FBN1: variants seen among roughly 807,000 people sequenced by gnomAD.
FBN1 encodes fibrillin 1, also known as fibrillin-1.
FBN1 carries 29 observed loss-of-function variants against 365.1 expected under a neutral mutation model. That is an observed-to-expected ratio of 0.08 (90% CI 0.06 to 0.11). FBN1 has a LOEUF of 0.11. Among genes scored for constraint, FBN1 ranks in the 10% least tolerant of loss-of-function variants. FBN1 has a pLI of 1.00. For missense variants in FBN1, 2,476 were observed against 3,703.2 expected (o/e 0.67, Z 8.60); for synonymous variants, 1,210 against 1,270.5 (o/e 0.95, Z 1.01).
intron 4 of FBN1, among the ~76,000 whole-genome samples, chr15:48,604,261 A>G (rs985990222): frequency 6.6e-6 from 1 of 152,204 alleles, no homozygotes; most frequent in Non-Finnish European, 1.5e-5. Flanking sequence ...CACAACTGGC[A>G]GGAAGAACAC....
rs1436066063 is a variant in FBN1, at chr15:48,613,094, TA to T, written c.165-3del. Reference sequence around the variant, plus strand: ...TAACGTGATCCACAGACATTGGGTCTAAAACAAAAACAGAAGAATTCCATAC... The same window carrying T: ...TAACGTGATCCACAGACATTGGGTCTAAACAAAAACAGAAGAATTCCATAC... On this transcript the variant is annotated splice_polypyrimidine_tract_variant and splice_region_variant and intron_variant, in intron 2 of 65. Transcript: ENST00000316623. 6.8e-6 allele frequency: 11 copies of T among 1,609,754 alleles called. No individual in the cohort carries two copies. The highest frequency in any genetic ancestry group is 1.1e-5 in the South Asian group (1 of 91,004).
chr15:48,588,513 T>C (rs866123881), intron 6 of FBN1, among the ~76,000 whole-genome samples: 8 of 152,150 alleles, frequency 5.3e-5, no homozygotes, highest in Admixed American at 6.5e-5. Context: ...AAAATGAAGT[T>C]AAAAAAACTG....
intron 50 of FBN1, among the ~76,000 whole-genome samples, chr15:48,441,472 G>C (rs1006783478): frequency 6.6e-6 from 1 of 152,108 alleles, no homozygotes; most frequent in African/African-American, 2.4e-5. Context: ...ATCAGCATTT[G>C]TGTTCTTAGT....
intron 17 of FBN1, among the ~76,000 whole-genome samples, chr15:48,502,203 T>C (rs2043666249): frequency 6.6e-6 from 1 of 152,042 alleles, no homozygotes; most frequent in South Asian, 2.1e-4. Flanking sequence ...TTTTTGTTTG[T>C]TTGTTTGTTC....
At chr15:48,508,841 A>C (rs943474393) in intron 14 of FBN1, 137 bp from the exon 15 acceptor site, 4 of 1,033,392 alleles carry the variant, frequency 3.9e-6, no homozygotes, top group African/African-American at 1.6e-5. Flanking sequence ...TTTCATCCAA[A>C]TAAGATCATC....
intron 9 of FBN1, among the ~76,000 whole-genome samples, chr15:48,522,368 G>C (rs956261995): frequency 4.0e-5 from 6 of 151,806 alleles, no homozygotes; most frequent in Non-Finnish European, 7.4e-5. Context: ...ATAATAAAGT[G>C]CACAATAAAT....
At chr15:48,422,751 C>G (rs8028152) in intron 60 of FBN1, among the ~76,000 whole-genome samples, 136,458 of 152,230 alleles carry the variant, frequency 0.9, 61,264 homozygotes, top group African/African-American at 0.94. Context: ...TTTGAGCTCA[C>G]GAGTTTGAGA....
intron 65 of FBN1, among the ~76,000 whole-genome samples, chr15:48,411,884 C>T (rs1273941359): frequency 6.6e-6 from 1 of 152,248 alleles, no homozygotes; most frequent in Non-Finnish European, 1.5e-5. Flanking sequence ...AAGAACCAGA[C>T]TATTTCAATT....
intron 54 of FBN1, among the ~76,000 whole-genome samples, chr15:48,433,454 C>T (rs2043039329): frequency 6.6e-6 from 1 of 152,150 alleles, no homozygotes. Context: ...TCTCTTTCCC[C>T]CAAACAAAGA....
At position 48,526,143 on chromosome 15, in the gene FBN1, A is replaced by G. The variant is rs1259315716; in HGVS notation, c.975T>C (p.Gly325=). 2 of 1,614,176 alleles carry G rather than the reference A, an allele frequency of 1.2e-6. No homozygotes were observed. Among genetic ancestry groups the G allele is most frequent in the Non-Finnish European group, 8.5e-7 (1 of 1,179,994 alleles). ...CATTAAACCTACCTATGCATCTGGT[A>G]CCATCTGGAGAGGTGTAAAAACCAG... ...CPPGFYTSPD[G]TRCIDVRPGY... The change falls in exon 9 of 66, where the codon GGT becomes GGC. Residue 325 remains glycine, a synonymous_variant. Coordinates refer to ENST00000316623, the MANE Select transcript of FBN1 (RefSeq NM_000138.5).
At chr15:48,592,081 T>C (rs956173193) in intron 6 of FBN1, among the ~76,000 whole-genome samples, 9 of 152,210 alleles carry the variant, frequency 5.9e-5, no homozygotes, top group Non-Finnish European at 1.3e-4. Flanking sequence ...ACTCAGTACA[T>C]GTCAGCTGTT....
intron 63 of FBN1, 152 bp downstream of exon 63, chr15:48,420,535 T>C (rs769785603): frequency 6.7e-5 from 63 of 938,964 alleles, no homozygotes; most frequent in Non-Finnish European, 1.0e-4. Context: ...TTGCAAAGAC[T>C]GTTACTTACC....
chr15:48,513,017 G>A (rs1222670538), intron 13 of FBN1, among the ~76,000 whole-genome samples: 3 of 152,150 alleles, frequency 2.0e-5, no homozygotes, highest in African/African-American at 7.2e-5. Context: ...AAACTTCAAT[G>A]TACATACAGA....
chr15:48,563,985 T>C (rs532957571), intron 6 of FBN1, among the ~76,000 whole-genome samples: 21 of 152,306 alleles, frequency 1.4e-4, no homozygotes, highest in African/African-American at 5.1e-4. Flanking sequence ...GTGCTCAAAA[T>C]CTAGAAGGGC....
intron 4 of FBN1, among the ~76,000 whole-genome samples, chr15:48,610,467 G>A (rs759287408): frequency 3.9e-5 from 6 of 152,038 alleles, no homozygotes; most frequent in East Asian, 1.9e-4. Flanking sequence ...TGAATAAGGC[G>A]ATACCTACAT....
At chr15:48,544,225 T>A (rs905930532) in intron 6 of FBN1, among the ~76,000 whole-genome samples, 1 of 152,106 alleles carries the variant, frequency 6.6e-6, no homozygotes, top group South Asian at 2.1e-4. Flanking sequence ...ACAATAAGGT[T>A]TGAATATACT....
At chr15:48,455,696 C>T (rs990617643) in intron 44 of FBN1, among the ~76,000 whole-genome samples, 35 of 152,200 alleles carry the variant, frequency 2.3e-4, no homozygotes, top group Non-Finnish European at 1.0e-4. Context: ...TTCCCACTAA[C>T]TCACACAGCA....
intron 38 of FBN1, 21 bp from the exon 39 acceptor site, chr15:48,465,879 A>T (rs1566904040): frequency 5.1e-6 from 8 of 1,575,862 alleles, no homozygotes; most frequent in Non-Finnish European, 7.0e-6. Context: ...AAAAATTCAA[A>T]TTGAGTTGTT....
Position 48,610,744 on chromosome 15 carries a change from G to A in FBN1, c.330C>T (p.Ser110=). The A allele has an allele frequency of 1.2e-6, 2 of 1,613,654 alleles. No individual in the cohort carries two copies. Among genetic ancestry groups the A allele is most frequent in the Non-Finnish European group, 8.5e-7 (1 of 1,179,590 alleles). Residue 110 remains serine, a synonymous_variant, in exon 4 of 66, where the codon TCC becomes TCT. Transcript: ENST00000316623. ...TAGACTTACTGGATCTGGAGCCACA[G>A]GAAGGAGCTATCTGACCAGATGGGC... is the stretch of plus-strand genomic sequence containing the variant. The part of the protein sequence containing the change: ...CTCPSGQIAP[S]CGSRSIQHCN...
Sources: allele counts gnomAD v4.1 joint callset (sites outside exome capture counted in the v4.1 genomes callset), GRCh38; gene constraint gnomAD v4.1.1; transcripts MANE v1.5; gene names NCBI Gene and HGNC (gene_info 2026-07-23, HGNC 2026-07-21).